The following DENND6A variants were observed in gnomAD, a reference collection of about 807,000 sequenced individuals.
DENND6A encodes the protein protein DENND6A.
DENND6A carries 43 observed loss-of-function variants against 95.5 expected under a neutral mutation model. The observed-to-expected ratio is 0.45, with a 90% CI of 0.35 to 0.58. DENND6A has a LOEUF of 0.58. Among genes scored for constraint, DENND6A ranks in the 20% least tolerant of loss-of-function variants. DENND6A has a pLI of 0.00. For synonymous variants in DENND6A, 257 were observed against 260.4 expected, an observed-to-expected ratio of 0.99 and a Z score of 0.13; for missense variants, 574 against 736.0, an observed-to-expected ratio of 0.78 and a Z score of 2.55.
chr3:57,692,711 G>A (rs2077281051), intron 1 of DENND6A, 71 bp downstream of exon 1: 4 of 1,337,306 alleles, frequency 3.0e-6, no homozygotes, highest in Admixed American at 4.0e-5. Flanking sequence ...TCAGCCCGCG[G>A]GCCGCTGGCT....
intron 1 of DENND6A, among the ~76,000 whole-genome samples, chr3:57,683,482 G>A (rs1257642789): frequency 6.6e-6 from 1 of 152,100 alleles, no homozygotes; most frequent in Non-Finnish European, 1.5e-5. Flanking sequence ...CATAGGTCAC[G>A]CTGGTCTTTT....
intron 11 of DENND6A, 105 bp from the exon 12 acceptor site, chr3:57,641,852 G>C: frequency 2.2e-6 from 2 of 903,048 alleles, no homozygotes; most frequent in Non-Finnish European, 3.3e-6. Flanking sequence ...TACACAGATT[G>C]ATTTTTCCTT....
Position 57,693,024 on chromosome 3 carries a change from G to T in DENND6A, c.-6C>A. 7.0e-7 allele frequency: 1 copy of T among 1,421,128 alleles called. No individual in the cohort carries two copies. Among genetic ancestry groups the T allele is most frequent in the Non-Finnish European group, 9.1e-7 (1 of 1,099,024 alleles). 88.0% of individuals were successfully genotyped at this position (1,421,128 alleles called of 1,614,324 possible). A position where few individuals can be genotyped will look rare whatever the true frequency, so the allele number is the denominator to read the frequency against. ...GCAGGGCCCCTCAAAGCCATCGGCC[G>T]CCCCCTGACCGTTCGCGCCGCCTCC... On this transcript the variant is annotated 5_prime_UTR_variant, in exon 1 of 20. Coordinates refer to ENST00000311128, the MANE Select transcript of DENND6A (RefSeq NM_152678.3).
At chr3:57,692,413 T>A (rs2077277069) in intron 1 of DENND6A, among the ~76,000 whole-genome samples, 1 of 152,132 alleles carries the variant, frequency 6.6e-6, no homozygotes, top group African/African-American at 2.4e-5. Context: ...CATCATCTGT[T>A]ATGGGCATTG....
intron 9 of DENND6A, among the ~76,000 whole-genome samples, chr3:57,650,935 CCACCA>C (rs2153414484): frequency 6.6e-6 from 1 of 152,218 alleles, no homozygotes; most frequent in South Asian, 2.1e-4. Context: ...CAGGCATGTG[CCACCA>C]CACCCGGCTA....
chr3:57,664,891 A>T (rs2071503041), intron 4 of DENND6A, among the ~76,000 whole-genome samples: 1 of 152,168 alleles, frequency 6.6e-6, no homozygotes, highest in Non-Finnish European at 1.5e-5. Context: ...CCATGAAAAA[A>T]CACAAAGTGT....
At chr3:57,673,623 T>C (rs1211894336) in intron 1 of DENND6A, among the ~76,000 whole-genome samples, 3 of 152,238 alleles carry the variant, frequency 2.0e-5, no homozygotes, top group African/African-American at 7.2e-5. Flanking sequence ...CTTGAAGTGA[T>C]GGATATCCCA....
rs191932151 is a variant in DENND6A, at chr3:57,645,759, G to A, written c.942-3C>T. Reference sequence around the variant, plus strand: ...AGTACTTTAATGGAGAAATACAGCTGTGGAGCAGGAAGAACATGTAAAATA... The same window carrying A: ...AGTACTTTAATGGAGAAATACAGCTATGGAGCAGGAAGAACATGTAAAATA... On this transcript the variant is annotated splice_polypyrimidine_tract_variant and splice_region_variant and intron_variant, in intron 10 of 19. Transcript: ENST00000311128. 212 of 1,606,380 alleles carry A rather than the reference G, an allele frequency of 1.3e-4. 1 individual carries two copies. The highest frequency in any genetic ancestry group is 3.9e-5 in the Non-Finnish European group (46 of 1,173,988).
intron 1 of DENND6A, among the ~76,000 whole-genome samples, chr3:57,678,435 AT>A (rs573538834): frequency 1.3e-5 from 2 of 151,814 alleles, no homozygotes; most frequent in Non-Finnish European, 2.9e-5. Flanking sequence ...TTAAGATAAG[AT>A]TTTTTTTTCC....
intron 12 of DENND6A, among the ~76,000 whole-genome samples, chr3:57,640,399 C>T (rs2070903152): frequency 6.6e-6 from 1 of 151,358 alleles, no homozygotes; most frequent in Non-Finnish European, 1.5e-5. Context: ...TTGAGACCAG[C>T]CTTGCCAACA....
intron 18 of DENND6A, among the ~76,000 whole-genome samples, chr3:57,629,485 A>T (rs1479010412): frequency 6.6e-6 from 1 of 151,312 alleles, no homozygotes; most frequent in Non-Finnish European, 1.5e-5. Context: ...GTAATACAGA[A>T]CATAAAAAAA....
chr3:57,651,203 A>G (rs1222318751), intron 9 of DENND6A, among the ~76,000 whole-genome samples: 2 of 152,222 alleles, frequency 1.3e-5, no homozygotes, highest in Admixed American at 6.5e-5. Context: ...CGCATTCAGT[A>G]TGCTCCTCAA....
At chr3:57,649,440 G>A (rs9867876) in intron 9 of DENND6A, among the ~76,000 whole-genome samples, 11,286 of 151,356 alleles carry the variant, frequency 0.075, 1,440 homozygotes, top group African/African-American at 0.26. Flanking sequence ...ATGGAAAACC[G>A]TACAGAGATT....
At chr3:57,655,506 T>C (rs6445917) in intron 9 of DENND6A, among the ~76,000 whole-genome samples, 125,539 of 152,192 alleles carry the variant, frequency 0.82, 52,076 homozygotes, top group East Asian at 1. Context: ...TGTTCCCAAA[T>C]CCAAAAGGTT....
At chr3:57,666,982 TG>T (rs1214638349) in intron 3 of DENND6A, among the ~76,000 whole-genome samples, 2 of 152,242 alleles carry the variant, frequency 1.3e-5, no homozygotes, top group Non-Finnish European at 2.9e-5. Context: ...AAAATTTTAA[TG>T]GAAATTGACT....
At chr3:57,675,946 C>T (rs1304317526) in intron 1 of DENND6A, among the ~76,000 whole-genome samples, 1 of 152,066 alleles carries the variant, frequency 6.6e-6, no homozygotes, top group Non-Finnish European at 1.5e-5. Context: ...GGAGGTGCCT[C>T]AAAGGCCACC....
intron 15 of DENND6A, among the ~76,000 whole-genome samples, chr3:57,632,021 C>CTTTT (rs771800755): frequency 1.0e-5 from 1 of 96,028 alleles, no homozygotes; most frequent in African/African-American, 4.1e-5. Flanking sequence ...CGCGCCCGGC[C>CTTTT]TTTTTTTTTT....
At chr3:57,631,961 A>C (rs1208573276) in intron 15 of DENND6A, among the ~76,000 whole-genome samples, 1 of 143,578 alleles carries the variant, frequency 7.0e-6, no homozygotes, top group African/African-American at 2.6e-5. Flanking sequence ...TGACCTCGTG[A>C]TCCGCCCGCC....
chr3:57,668,155 A>C (rs2071555966), intron 3 of DENND6A, among the ~76,000 whole-genome samples: 1 of 152,168 alleles, frequency 6.6e-6, no homozygotes, highest in Admixed American at 6.5e-5. Context: ...GTTTTTCAAA[A>C]ATATTGGTCC....
Sources: allele counts gnomAD v4.1 joint callset (sites outside exome capture counted in the v4.1 genomes callset), GRCh38; gene constraint gnomAD v4.1.1; transcripts MANE v1.5; gene names NCBI Gene and HGNC (gene_info 2026-07-23, HGNC 2026-07-21).